The following RPS6KC1 variants were observed in gnomAD, a reference collection of about 807,000 sequenced individuals.
The protein encoded by RPS6KC1 is inactive ribosomal protein S6 kinase delta-1.
A neutral mutation model predicts 103.8 loss-of-function variants in RPS6KC1; 54 were observed. The ratio of observed to expected loss-of-function variants is 0.52; its 90% CI spans 0.42 to 0.65. The LOEUF (loss-of-function observed/expected upper bound fraction) is 0.65, where lower values mean the gene tolerates loss of function less well. Among genes scored for constraint, RPS6KC1 ranks in the 30% least tolerant of loss-of-function variants. The pLI, the probability that RPS6KC1 is intolerant of heterozygous loss-of-function variation, is 0.00. For synonymous variants in RPS6KC1, 439 were observed against 438.7 expected, an observed-to-expected ratio of 1.00 and a Z score of -0.01; for missense variants, 1,151 against 1,253.8, an observed-to-expected ratio of 0.92 and a Z score of 1.24.
chr1:213,487,874 G>T, the RPS6KC1 span, among the ~76,000 whole-genome samples: 1 of 152,184 alleles, frequency 6.6e-6, no homozygotes, highest in Non-Finnish European at 1.5e-5. Context: ...ATCTACACAT[G>T]CTTGCCTTCT....
At chr1:213,502,073 C>T in the RPS6KC1 span, among the ~76,000 whole-genome samples, 1 of 152,090 alleles carries the variant, frequency 6.6e-6, no homozygotes, top group Non-Finnish European at 1.5e-5. Context: ...GGCAAACAGG[C>T]AAAATACCTA....
intron 8 of RPS6KC1, among the ~76,000 whole-genome samples, chr1:213,227,341 A>G (rs914904865): frequency 6.6e-6 from 1 of 152,232 alleles, no homozygotes; most frequent in African/African-American, 2.4e-5. Flanking sequence ...TTTATTAAAC[A>G]TTTACTGTGT....
chr1:213,719,449 G>A, the RPS6KC1 span, among the ~76,000 whole-genome samples: 6 of 152,106 alleles, frequency 3.9e-5, no homozygotes, highest in East Asian at 1.2e-3. Context: ...CACAATAAGG[G>A]GTATGTGTTA....
At chr1:213,424,340 C>A in the RPS6KC1 span, among the ~76,000 whole-genome samples, 4 of 152,024 alleles carry the variant, frequency 2.6e-5, no homozygotes, top group African/African-American at 9.7e-5. Flanking sequence ...TTTCCCTTCT[C>A]TATAAGTACA....
intron 6 of RPS6KC1, among the ~76,000 whole-genome samples, chr1:213,143,277 G>GAC (rs1228882852): frequency 6.6e-6 from 1 of 151,950 alleles, no homozygotes; most frequent in Non-Finnish European, 1.5e-5. Context: ...TTTAATTGTA[G>GAC]AAGTGTTTAT....
At chr1:213,222,632 A>G (rs1226993881) in intron 8 of RPS6KC1, among the ~76,000 whole-genome samples, 2 of 152,154 alleles carry the variant, frequency 1.3e-5, no homozygotes, top group African/African-American at 4.8e-5. Flanking sequence ...AATTGTTGAT[A>G]TTAAAGCCCA....
the RPS6KC1 span, among the ~76,000 whole-genome samples, chr1:213,574,873 G>A: frequency 3.3e-5 from 5 of 152,304 alleles, no homozygotes; most frequent in Non-Finnish European, 7.4e-5. Flanking sequence ...GCAAGACCGA[G>A]TCACTGTGGG....
intron 12 of RPS6KC1, among the ~76,000 whole-genome samples, chr1:213,247,841 C>T (rs182903770): frequency 1.6e-3 from 238 of 152,140 alleles, no homozygotes; most frequent in African/African-American, 5.6e-3. Flanking sequence ...GATTTCTTAT[C>T]TAATGTTAGT....
the RPS6KC1 span, among the ~76,000 whole-genome samples, chr1:213,429,713 C>T: frequency 6.6e-6 from 1 of 152,198 alleles, no homozygotes; most frequent in Non-Finnish European, 1.5e-5. Flanking sequence ...TCTCCACCCA[C>T]TATCCCTCCT....
chr1:213,712,906 G>A, the RPS6KC1 span, among the ~76,000 whole-genome samples: 1 of 152,268 alleles, frequency 6.6e-6, no homozygotes, highest in Admixed American at 6.5e-5. Context: ...GAAATCACCT[G>A]CCTTCTGCAT....
intron 10 of RPS6KC1, among the ~76,000 whole-genome samples, chr1:213,237,577 A>T (rs895489106): frequency 2.0e-5 from 3 of 152,044 alleles, no homozygotes; most frequent in Non-Finnish European, 2.9e-5. Context: ...TTCAAGTTGA[A>T]TTGCTTGGCC....
chr1:213,725,298 T>G, the RPS6KC1 span, among the ~76,000 whole-genome samples: 1 of 152,204 alleles, frequency 6.6e-6, no homozygotes, highest in Non-Finnish European at 1.5e-5. Context: ...GCATGAAATA[T>G]TTTACAACAG....
At chr1:213,156,103 C>CT (rs1286409090) in intron 6 of RPS6KC1, among the ~76,000 whole-genome samples, 3 of 152,082 alleles carry the variant, frequency 2.0e-5, no homozygotes, top group Non-Finnish European at 4.4e-5. Flanking sequence ...CAGGTAAGGG[C>CT]TTTAAGTGTT....
the RPS6KC1 span, among the ~76,000 whole-genome samples, chr1:213,361,196 T>C: frequency 6.6e-6 from 1 of 152,252 alleles, no homozygotes. Context: ...TGAGCTGCGG[T>C]GGGCTCCACC....
At chr1:213,122,082 C>A (rs143187554) in intron 5 of RPS6KC1, among the ~76,000 whole-genome samples, 154 of 152,094 alleles carry the variant, frequency 1.0e-3, no homozygotes, top group African/African-American at 3.5e-3. Flanking sequence ...GTCTTTGTAA[C>A]GGATCCCTTA....
chr1:213,708,467 T>C, the RPS6KC1 span, among the ~76,000 whole-genome samples: 1 of 152,216 alleles, frequency 6.6e-6, no homozygotes, highest in African/African-American at 2.4e-5. Context: ...AAATAAACAA[T>C]TATGTCTTAT....
the RPS6KC1 span, among the ~76,000 whole-genome samples, chr1:213,799,512 T>C: frequency 6.6e-6 from 1 of 152,184 alleles, no homozygotes. Context: ...AATGTGATGA[T>C]AGTTAAAATT....
chr1:213,496,785 A>G, the RPS6KC1 span, among the ~76,000 whole-genome samples: 1 of 152,272 alleles, frequency 6.6e-6, no homozygotes, highest in Non-Finnish European at 1.5e-5. Context: ...GAAACTTACT[A>G]TCAGTGGTAT....
At chr1:213,630,965 G>A in the RPS6KC1 span, among the ~76,000 whole-genome samples, 4 of 152,200 alleles carry the variant, frequency 2.6e-5, no homozygotes, top group East Asian at 3.9e-4. Flanking sequence ...ACCTGGCCGT[G>A]TGAGGTGTCA....
Sources: allele counts gnomAD v4.1 joint callset (sites outside exome capture counted in the v4.1 genomes callset), GRCh38; gene constraint gnomAD v4.1.1; transcripts MANE v1.5; gene names NCBI Gene and HGNC (gene_info 2026-07-23, HGNC 2026-07-21).